Variants in CENPP observed in about 807,000 individuals in gnomAD.
CENPP encodes centromere protein P.
Under a neutral mutation model 35.6 loss-of-function variants are expected in CENPP, and 24 were observed. The observed-to-expected ratio is 0.67, with a 90% CI of 0.49 to 0.95. The LOEUF (loss-of-function observed/expected upper bound fraction) is 0.95, where lower values mean the gene tolerates loss of function less well. Among genes scored for constraint, CENPP ranks in the 40% least tolerant of loss-of-function variants. The pLI, the probability that CENPP is intolerant of heterozygous loss-of-function variation, is 0.00. For synonymous variants in CENPP, 120 were observed against 125.5 expected (o/e 0.96, Z 0.29); for missense variants, 332 against 345.3 (o/e 0.96, Z 0.31).
At chr9:92,446,852 GA>G (rs1296002666) in intron 5 of CENPP, among the ~76,000 whole-genome samples, 3 of 150,754 alleles carry the variant, frequency 2.0e-5, no homozygotes, top group African/African-American at 7.3e-5. Flanking sequence ...AAAACAGAAA[GA>G]GAGTGAGGGA....
At chr9:92,433,833 A>G (rs920633798) in intron 5 of CENPP, among the ~76,000 whole-genome samples, 6 of 151,946 alleles carry the variant, frequency 3.9e-5, no homozygotes, top group Non-Finnish European at 8.8e-5. Context: ...TTGGGAGGCT[A>G]AGGCAGGAGA....
chr9:92,417,682 A>AT, intron 5 of CENPP: 1 of 657,200 alleles, frequency 1.5e-6, no homozygotes, highest in Non-Finnish European at 2.4e-6. Flanking sequence ...GTCTATATAT[A>AT]AAAGAATATC....
chr9:92,455,276 G>T (rs1348498151), intron 5 of CENPP, among the ~76,000 whole-genome samples: 1 of 152,150 alleles, frequency 6.6e-6, no homozygotes, highest in East Asian at 1.9e-4. Context: ...TGTAGTCCCA[G>T]CTACTTGGAA....
At chr9:92,439,160 G>T (rs911339027) in intron 5 of CENPP, among the ~76,000 whole-genome samples, 2 of 151,974 alleles carry the variant, frequency 1.3e-5, no homozygotes, top group African/African-American at 2.4e-5. Context: ...TTATTAGATC[G>T]TGTGTTATTA....
chr9:92,332,244 G>T lies in CENPP; in HGVS notation c.182G>T (p.Gly61Val). ...KSSKDLKNQL[G>V]HLESELSFLS... ...TCAAAAGATCTGAAAAATCAGCTTG[G>T]ACATTTAGAATCAGAACTTTCATTT... Residue 61 changes from glycine to valine, a missense_variant, in exon 2 of 8, where the codon GGA becomes GTA. Coordinates refer to ENST00000375587, the MANE Select transcript of CENPP (RefSeq NM_001012267.3). The T allele has an allele frequency of 1.2e-6, 2 of 1,612,908 alleles. No homozygotes were observed. Among genetic ancestry groups the T allele is most frequent in the Non-Finnish European group, 1.7e-6 (2 of 1,179,386 alleles).
chr9:92,345,158 C>T (rs990971543), intron 3 of CENPP, among the ~76,000 whole-genome samples: 9 of 151,898 alleles, frequency 5.9e-5, no homozygotes, highest in Non-Finnish European at 7.4e-5. Flanking sequence ...GAGACTGAGG[C>T]GGGAGAATGG....
intron 5 of CENPP, among the ~76,000 whole-genome samples, chr9:92,382,985 G>A (rs1485258481): frequency 3.0e-5 from 4 of 133,392 alleles, no homozygotes; most frequent in South Asian, 2.6e-4. Flanking sequence ...TGCAACCTCC[G>A]CCTCCTGGTC....
chr9:92,533,329 A>T lies in CENPP; in HGVS notation c.565-77985A>T, dbSNP rs919629330. Among the ~76,000 whole-genome samples the T allele has an allele frequency of 2.8e-4, 12 of 43,536 alleles. 1 individual carries two copies. The highest frequency in any genetic ancestry group is 1.2e-3 in the African/African-American group (12 of 10,290). 28.6% of individuals were successfully genotyped at this position (43,536 alleles called of 152,430 possible). A position where few individuals can be genotyped will look rare whatever the true frequency, so the allele number is the denominator to read the frequency against. Reference sequence around the variant, plus strand: ...AAAAAAAAAAAAAAAAAAAAAAAAAATATATATATATATATATATATATAT... The same window carrying T: ...AAAAAAAAAAAAAAAAAAAAAAAAATTATATATATATATATATATATATAT... On this transcript the variant is annotated intron_variant, in intron 5 of 7. Transcript: ENST00000375587.
intron 5 of CENPP, among the ~76,000 whole-genome samples, chr9:92,499,897 C>T (rs867794369): frequency 6.6e-6 from 1 of 152,190 alleles, no homozygotes; most frequent in Non-Finnish European, 1.5e-5. Flanking sequence ...ATTCTCAAGA[C>T]ACTCATGCCA....
chr9:92,498,234 CT>C (rs1846469699), intron 5 of CENPP, among the ~76,000 whole-genome samples: 1 of 151,800 alleles, frequency 6.6e-6, no homozygotes, highest in African/African-American at 2.4e-5. Flanking sequence ...AAAATAAATA[CT>C]GGAAGGATAA....
chr9:92,366,522 C>CTT (rs1841893098), intron 4 of CENPP, among the ~76,000 whole-genome samples: 1 of 152,080 alleles, frequency 6.6e-6, no homozygotes, highest in African/African-American at 2.4e-5. Context: ...ATGTGCCCAC[C>CTT]ACTATTTACA....
At chr9:92,461,449 CTT>C (rs1165982239) in intron 5 of CENPP, among the ~76,000 whole-genome samples, 4 of 152,218 alleles carry the variant, frequency 2.6e-5, no homozygotes, top group Non-Finnish European at 4.4e-5. Context: ...TGAAATCTCT[CTT>C]AATGTACAAC....
chr9:92,338,085 G>A (rs1350843287), intron 3 of CENPP, among the ~76,000 whole-genome samples: 4 of 152,194 alleles, frequency 2.6e-5, no homozygotes, highest in Non-Finnish European at 4.4e-5. Context: ...GCCAAGGCAG[G>A]AGGATTGCTT....
At chr9:92,491,514 T>C (rs1289911576) in intron 5 of CENPP, among the ~76,000 whole-genome samples, 2 of 152,118 alleles carry the variant, frequency 1.3e-5, no homozygotes, top group African/African-American at 4.8e-5. Flanking sequence ...CCTTCAGGTA[T>C]ACTCCTTGCC....
intron 5 of CENPP, chr9:92,493,828 A>G (rs958171109): frequency 5.1e-5 from 14 of 272,572 alleles, no homozygotes; most frequent in African/African-American, 2.9e-4. Flanking sequence ...AGCTTCAATC[A>G]GTCATTCTGA....
chr9:92,511,571 C>G (rs777174397), intron 5 of CENPP, among the ~76,000 whole-genome samples: 8 of 151,966 alleles, frequency 5.3e-5, no homozygotes, highest in Non-Finnish European at 1.2e-4. Flanking sequence ...TTCCAGAACC[C>G]CCTTCTGCCA....
intron 5 of CENPP, among the ~76,000 whole-genome samples, chr9:92,595,172 A>G (rs887125913): frequency 1.3e-5 from 2 of 152,138 alleles, no homozygotes; most frequent in African/African-American, 4.8e-5. Flanking sequence ...TGCTGGGATT[A>G]CAGGCATAAG....
intron 5 of CENPP, chr9:92,493,519 T>G (rs1212554561): frequency 6.6e-6 from 1 of 152,202 alleles, no homozygotes; most frequent in Non-Finnish European, 1.5e-5. Context: ...TCCTTGTATA[T>G]ATATACAAAG....
intron 5 of CENPP, chr9:92,474,906 A>C (rs1435422684): frequency 1.9e-6 from 3 of 1,605,956 alleles, no homozygotes; most frequent in South Asian, 1.1e-5. Context: ...ATGGTGTCTT[A>C]GTGTAGAAGA....
Sources: gnomAD v4.1 joint callset for allele counts (sites outside exome capture counted in the v4.1 genomes callset) on GRCh38, gnomAD v4.1.1 for gene constraint, MANE v1.5 for transcripts, NCBI Gene and HGNC (gene_info 2026-07-23, HGNC 2026-07-21) for gene names.